LVRN: variants seen among roughly 807,000 people sequenced by gnomAD.
LVRN encodes laeverin, also known as aminopeptidase Q.
LVRN carries 99 observed loss-of-function variants against 111.4 expected under a neutral mutation model. The ratio of observed to expected loss-of-function variants is 0.89; its 90% CI spans 0.76 to 1.05. The LOEUF is 1.05. LVRN is among the 50% of genes least tolerant of loss of function. The pLI is 0.00. For missense variants in LVRN, 1,414 were observed against 1,206.8 expected (o/e 1.17, Z -2.54); for synonymous variants, 488 against 449.5 (o/e 1.09, Z -1.08).
intron 13 of LVRN, among the ~76,000 whole-genome samples, chr5:116,010,126 G>A (rs114456975): frequency 1.3e-5 from 2 of 152,174 alleles, no homozygotes; most frequent in Non-Finnish European, 2.9e-5. Context: ...CTTGCTGAAG[G>A]CTCAGATTGT....
At chr5:115,985,951 C>T (rs557684914) in intron 3 of LVRN, among the ~76,000 whole-genome samples, 1 of 152,306 alleles carries the variant, frequency 6.6e-6, no homozygotes, top group African/African-American at 2.4e-5. Flanking sequence ...AGGCTTGCAC[C>T]ATTGACATGT....
At chr5:115,993,651 G>A in intron 5 of LVRN, 90 bp from the exon 6 acceptor site, 1 of 806,012 alleles carries the variant, frequency 1.2e-6, no homozygotes, top group Non-Finnish European at 2.0e-6. Context: ...TATGTCTTTT[G>A]ACCTTACATT....
intron 1 of LVRN, among the ~76,000 whole-genome samples, chr5:115,978,236 G>C (rs1024479173): frequency 6.6e-6 from 1 of 152,228 alleles, no homozygotes; most frequent in Admixed American, 6.5e-5. Context: ...ACATGATGCT[G>C]GTGTCACAGA....
chr5:115,980,377 G>A (rs143749160), intron 1 of LVRN, among the ~76,000 whole-genome samples: 28 of 152,044 alleles, frequency 1.8e-4, no homozygotes, highest in Admixed American at 2.6e-4. Flanking sequence ...GCTGTGTGTC[G>A]TAGGGATTTT....
intron 1 of LVRN, among the ~76,000 whole-genome samples, chr5:115,963,716 CCAGA>C (rs1199615942): frequency 2.0e-5 from 3 of 152,300 alleles, no homozygotes; most frequent in African/African-American, 7.2e-5. Flanking sequence ...TCTTTCAAAG[CCAGA>C]CAGAGTGCGA....
At chr5:115,968,122 T>G (rs527598496) in intron 1 of LVRN, among the ~76,000 whole-genome samples, 6 of 152,340 alleles carry the variant, frequency 3.9e-5, no homozygotes, top group Middle Eastern at 3.4e-3. Flanking sequence ...TCCAGCACTG[T>G]GTTAAACATG....
intron 1 of LVRN, among the ~76,000 whole-genome samples, chr5:115,981,002 G>A (rs1753549538): frequency 6.6e-6 from 1 of 152,012 alleles, no homozygotes. Context: ...AAATTTAAGT[G>A]GTATATTAAG....
chr5:116,025,602 G>A (rs746353499), intron 19 of LVRN, among the ~76,000 whole-genome samples: 1 of 152,116 alleles, frequency 6.6e-6, no homozygotes, highest in Non-Finnish European at 1.5e-5. Flanking sequence ...TTTGAGCTTC[G>A]GAAGTTGCAG....
chr5:116,020,787 G>A (rs13172260), intron 18 of LVRN, among the ~76,000 whole-genome samples: 1 of 152,192 alleles, frequency 6.6e-6, no homozygotes, highest in African/African-American at 2.4e-5. Context: ...AGGACATGAA[G>A]GGAGGGGTAA....
At chr5:115,998,286 A>C (rs926550213) in intron 6 of LVRN, among the ~76,000 whole-genome samples, 1 of 152,182 alleles carries the variant, frequency 6.6e-6, no homozygotes, top group Non-Finnish European at 1.5e-5. Flanking sequence ...ATCACTATTA[A>C]ATTTTGGTTT....
chr5:116,015,381 T>C lies in LVRN; in HGVS notation c.2580T>C (p.Tyr860=). The part of the protein sequence containing the change: ...TNKEEKIQLA[Y]AMSCSKDPWI... ...AAGAAGAAAAGATTCAACTTGCTTATGCAATGAGCTGCAGCAAAGACCCAT... is the reference window on the plus strand; with the variant it reads ...AAGAAGAAAAGATTCAACTTGCTTACGCAATGAGCTGCAGCAAAGACCCAT... Residue 860 remains tyrosine (Y), a synonymous_variant, in exon 17 of 20, where the codon TAT becomes TAC. Transcript: ENST00000357872. The C allele has an allele frequency of 6.6e-7, 1 of 1,508,750 alleles. No homozygotes were observed. The highest frequency in any genetic ancestry group is 1.3e-5 in the South Asian group (1 of 78,762). The allele number at this position is 1,508,750 out of a possible 1,614,324, so 93.5% of individuals were successfully genotyped here.
intron 19 of LVRN, chr5:116,023,689 T>C (rs1023191830): frequency 2.0e-5 from 3 of 152,110 alleles, no homozygotes; most frequent in African/African-American, 7.2e-5. Context: ...AAAAGATACA[T>C]TCACACAAAG....
chr5:115,989,370 G>A (rs1561559674), intron 4 of LVRN, among the ~76,000 whole-genome samples: 2 of 152,134 alleles, frequency 1.3e-5, no homozygotes, highest in Admixed American at 6.5e-5. Flanking sequence ...TACACATGCA[G>A]TTTGCACATC....
rs192366785 is a variant in LVRN at position 116,004,621 on chromosome 5, A to T, written c.2037+1241A>T. 4.1e-3 allele frequency among the ~76,000 whole-genome samples: 628 copies of T among 152,292 alleles called. 2 individuals are homozygous for T. The highest frequency in any genetic ancestry group is 6.8e-3 in the Middle Eastern group (2 of 294). On this transcript the variant is annotated intron_variant, in intron 12 of 19. Transcript: ENST00000357872. ...CTCCCCTTTCTAAGAATATGGGGAA[A>T]AAAAACCCCCAAAAAACTCCCTTCA...
At chr5:116,010,137 T>A in intron 13 of LVRN, among the ~76,000 whole-genome samples, 1 of 152,212 alleles carries the variant, frequency 6.6e-6, no homozygotes, top group East Asian at 1.9e-4. Flanking sequence ...CTCAGATTGT[T>A]GTTAGCATTC....
chr5:115,996,571 A>G (rs912215565), intron 6 of LVRN, among the ~76,000 whole-genome samples: 1 of 152,206 alleles, frequency 6.6e-6, no homozygotes, highest in Non-Finnish European at 1.5e-5. Flanking sequence ...GAAATTGAGT[A>G]ACAGAATCAT....
chr5:115,965,236 G>C (rs1261494250), intron 1 of LVRN, among the ~76,000 whole-genome samples: 1 of 152,178 alleles, frequency 6.6e-6, no homozygotes, highest in Non-Finnish European at 1.5e-5. Flanking sequence ...AACCTGCCAA[G>C]TTCCTGGTAT....
chr5:116,017,367 G>A (rs1460838256), intron 18 of LVRN, among the ~76,000 whole-genome samples: 2 of 152,178 alleles, frequency 1.3e-5, no homozygotes, highest in East Asian at 1.9e-4. Context: ...AACTGGTGTC[G>A]TATGTGAAGC....
intron 19 of LVRN, among the ~76,000 whole-genome samples, chr5:116,025,351 A>G (rs138444016): frequency 1.6e-3 from 237 of 152,328 alleles, no homozygotes; most frequent in African/African-American, 5.5e-3. Context: ...GTTCTAATCC[A>G]CTGATACAAA....
Sources: gnomAD v4.1 joint callset for allele counts (sites outside exome capture counted in the v4.1 genomes callset) on GRCh38, gnomAD v4.1.1 for gene constraint, MANE v1.5 for transcripts, NCBI Gene and HGNC (gene_info 2026-07-23, HGNC 2026-07-21) for gene names.